Variants in HERC1 observed in about 807,000 individuals in gnomAD.
HERC1 encodes the protein HECT and RLD domain containing E3 ubiquitin protein ligase family member 1.
Under a neutral mutation model 554.3 loss-of-function variants are expected in HERC1, and 160 were observed. That is an observed-to-expected ratio of 0.29 (90% CI 0.25 to 0.33). The LOEUF is 0.33. HERC1 is among the 10% of genes least tolerant of loss of function. The probability of loss-of-function intolerance (pLI) is 1.00; values close to 1 mark genes in which losing one functional copy is unlikely to be tolerated. For missense variants in HERC1, 4,919 were observed against 5,918.5 expected (o/e 0.83, Z 5.54); for synonymous variants, 2,175 against 2,131.7 (o/e 1.02, Z -0.56).
At chr15:63,805,932 G>T (rs935470623) in intron 1 of HERC1, among the ~76,000 whole-genome samples, 62 of 124,056 alleles carry the variant, frequency 5.0e-4, no homozygotes, top group African/African-American at 1.8e-3. Context: ...AACAGAGCAA[G>T]ACCCTATCTC....
intron 1 of HERC1, among the ~76,000 whole-genome samples, chr15:63,807,415 T>C (rs1327651304): frequency 6.6e-6 from 1 of 152,212 alleles, no homozygotes; most frequent in Non-Finnish European, 1.5e-5. Context: ...CTACAGGTCC[T>C]GACCACTAGC....
In HERC1 at chr15:63,692,352, C is replaced by A; in HGVS notation, c.5830+59G>T. ...GAGTGTTGCTAAAGTCTGGCATTAT[C>A]TTAATAAAATGCAAGTAATATCTAT... On this transcript the variant is annotated intron_variant, in intron 31 of 77. Transcript: ENST00000443617. The surrounding 1 kb of genome is among the most constrained non-coding windows in gnomAD (Gnocchi z 4.7). The A allele has an allele frequency of 7.4e-7, 1 of 1,345,318 alleles. No individual in the cohort carries two copies. Among genetic ancestry groups the A allele is most frequent in the Admixed American group, 2.6e-5 (1 of 39,134 alleles). The allele number at this position is 1,345,318 out of a possible 1,614,324, so 83.3% of individuals were successfully genotyped here.
chr15:63,788,358 G>T (rs925228660), intron 1 of HERC1, among the ~76,000 whole-genome samples: 3 of 152,100 alleles, frequency 2.0e-5, no homozygotes, highest in African/African-American at 7.2e-5. Context: ...GGATACTACC[G>T]AAATAAATCA....
chr15:63,649,675 A>G, intron 54 of HERC1, 50 bp downstream of exon 54: 2 of 1,475,808 alleles, frequency 1.4e-6, no homozygotes, highest in East Asian at 2.3e-5. Flanking sequence ...AGCTAAGTCT[A>G]GAAAGGAAGT....
At chr15:63,811,567 T>A (rs2077309156) in intron 1 of HERC1, among the ~76,000 whole-genome samples, 1 of 152,034 alleles carries the variant, frequency 6.6e-6, no homozygotes, top group Admixed American at 6.5e-5. Context: ...CCCAGCACTT[T>A]CGGCGGCCGA....
intron 30 of HERC1, among the ~76,000 whole-genome samples, chr15:63,693,115 T>A (rs934869787): frequency 2.0e-5 from 3 of 151,732 alleles, no homozygotes; most frequent in Admixed American, 2.0e-4. Context: ...GAGGCAGAGG[T>A]TGCAGTGAGC....
Position 63,674,554 on chromosome 15 carries a change from G to A in HERC1, c.7634C>T (p.Ser2545Leu). Residue 2545 changes from serine (S) to leucine (L), a missense_variant, in exon 38 of 78, where the codon TCA (serine) becomes TTA (leucine). Physicochemically the swap from Ser to Leu is moderately radical, Grantham distance 145. This residue lies in a region of HERC1 where 1,963 missense variants were observed against 2,228.6 expected (regional missense o/e 0.88). Transcript: ENST00000443617. ...PKVLAENGHN[S>L]DCASSPVVHE... Reference sequence around the variant, plus strand: ...AACAACTGGAGAACTTGCACAGTCTGAGTTGTGGCCATTTTCAGCCAGAAC... The same window carrying A: ...AACAACTGGAGAACTTGCACAGTCTAAGTTGTGGCCATTTTCAGCCAGAAC... 6.2e-7 allele frequency: 1 copy of A among 1,612,806 alleles called. No individual in the cohort carries two copies. Among genetic ancestry groups the A allele is most frequent in the South Asian group, 1.1e-5 (1 of 90,898 alleles).
intron 1 of HERC1, 35 bp downstream of exon 1, chr15:63,833,786 CACACAG>C (rs2078256383): frequency 2.0e-5 from 3 of 151,690 alleles, no homozygotes; most frequent in Admixed American, 2.0e-4. Flanking sequence ...CACACACACA[CACACAG>C]GACCAGGAGG....
chr15:63,643,005 T>C lies in HERC1; in HGVS notation c.11385A>G (p.Thr3795=). The C allele has an allele frequency of 6.2e-7, 1 of 1,613,252 alleles. No individual in the cohort carries two copies. Among genetic ancestry groups the C allele is most frequent in the South Asian group, 1.1e-5 (1 of 90,984 alleles). The change falls in exon 59 of 78, where the codon ACA becomes ACG. Residue 3795 remains threonine, a synonymous_variant. Transcript: ENST00000443617. ...VVIGSGAIQT[T]VWIPEVGVAA... ...CTACTCCAACTTCTGGAATCCATAC[T>C]GTGGTCTGAATAGCTCCAGAGCCTA...
intron 34 of HERC1, among the ~76,000 whole-genome samples, chr15:63,685,818 G>A (rs2071728188): frequency 6.6e-6 from 1 of 152,170 alleles, no homozygotes; most frequent in Non-Finnish European, 1.5e-5. Context: ...CTGGCATGGG[G>A]GAACTTGACT....
At chr15:63,826,814 A>ATATATATATATATATATAT (rs10524877) in intron 1 of HERC1, among the ~76,000 whole-genome samples, 2 of 22,262 alleles carry the variant, frequency 9.0e-5, no homozygotes, top group Non-Finnish European at 1.8e-4. Context: ...AAAAAAAAAA[A>ATATATATATATATATATAT]ATATATATAT....
chr15:63,802,421 C>T (rs941475371), intron 1 of HERC1, among the ~76,000 whole-genome samples: 2 of 152,198 alleles, frequency 1.3e-5, no homozygotes, highest in East Asian at 3.8e-4. Context: ...ACAGACGTGC[C>T]TATTCGGTGA....
intron 22 of HERC1, among the ~76,000 whole-genome samples, chr15:63,714,878 CA>C (rs1436283172): frequency 1.3e-5 from 2 of 151,532 alleles, no homozygotes; most frequent in Non-Finnish European, 2.9e-5. Context: ...GAAACCAGGC[CA>C]AAAAAGTTGG....
intron 12 of HERC1, among the ~76,000 whole-genome samples, chr15:63,744,584 C>T (rs1555433690): frequency 6.6e-6 from 1 of 152,124 alleles, no homozygotes; most frequent in Non-Finnish European, 1.5e-5. Context: ...TCACTTGTGC[C>T]TCCCCTTTCC....
rs781139859 is a variant in HERC1 at position 63,624,331 on chromosome 15, T to C, written c.13276-4A>G. 4.7e-5 allele frequency: 74 copies of C among 1,587,130 alleles called. No individual in the cohort carries two copies. Among genetic ancestry groups the C allele is most frequent in the Non-Finnish European group, 6.3e-5 (73 of 1,164,048 alleles). On this transcript the variant is annotated splice_polypyrimidine_tract_variant and splice_region_variant and intron_variant, in intron 71 of 77. Coordinates refer to ENST00000443617, the MANE Select transcript of HERC1 (RefSeq NM_003922.4). ...CATTATAATGGGATGTGCTGTTCTG[T>C]AACAGAAGGTACGGTTATCAGAAAT...
At position 63,750,359 on chromosome 15, in the gene HERC1, CACTA is replaced by C. The variant is rs376313734; in HGVS notation, c.1903-572_1903-569del. Among the ~76,000 whole-genome samples the C allele has an allele frequency of 4.1e-4, 62 of 152,114 alleles. 1 individual carries two copies. Among genetic ancestry groups the C allele is most frequent in the African/African-American group, 1.4e-3 (58 of 41,480 alleles). ...TTTGACTAATGAATACCAAAAGAAT[CACTA>C]ACTGATTTAAGATGCTTGGGGAAAG... On this transcript the variant is annotated intron_variant, in intron 8 of 77. Coordinates refer to ENST00000443617, the MANE Select transcript of HERC1 (RefSeq NM_003922.4).
intron 46 of HERC1, 63 bp downstream of exon 46, chr15:63,660,910 A>T (rs2070323451): frequency 7.2e-6 from 7 of 972,464 alleles, no homozygotes; most frequent in Non-Finnish European, 1.2e-5. Context: ...TTAGTAACAG[A>T]TGTTAAGCAG....
chr15:63,754,381 C>T, intron 7 of HERC1, 124 bp downstream of exon 7: 1 of 572,714 alleles, frequency 1.7e-6, no homozygotes, highest in Non-Finnish European at 2.7e-6. Context: ...AAGCTCAGTT[C>T]ATTTTTTAAT....
chr15:63,768,825 C>T (rs946370012), intron 2 of HERC1, among the ~76,000 whole-genome samples: 1 of 152,162 alleles, frequency 6.6e-6, no homozygotes, highest in African/African-American at 2.4e-5. Context: ...ACATTTAGAG[C>T]TGTTACATAA....
Sources: allele counts gnomAD v4.1 joint callset (sites outside exome capture counted in the v4.1 genomes callset), GRCh38; gene constraint gnomAD v4.1.1; regional missense constraint gnomAD v4.1.1; non-coding constraint Gnocchi (gnomAD v3.1); transcripts MANE v1.5; gene names NCBI Gene and HGNC (gene_info 2026-07-23, HGNC 2026-07-21).